Variants in PTPN12 observed in about 807,000 individuals in gnomAD.
PTPN12 encodes tyrosine-protein phosphatase non-receptor type 12.
In PTPN12, 29 loss-of-function variants were observed where a neutral mutation model predicts 97.6. The ratio of observed to expected loss-of-function variants is 0.30; its 90% CI spans 0.22 to 0.41. The LOEUF (loss-of-function observed/expected upper bound fraction) is 0.41, where lower values mean the gene tolerates loss of function less well. PTPN12 is among the 10% of genes least tolerant of loss of function. The pLI, the probability that PTPN12 is intolerant of heterozygous loss-of-function variation, is 1.00. For synonymous variants in PTPN12, 327 were observed against 300.4 expected, an observed-to-expected ratio of 1.09 and a Z score of -0.91; for missense variants, 819 against 926.0, an observed-to-expected ratio of 0.88 and a Z score of 1.50.
At chr7:77,572,060 GGTT>G in intron 2 of PTPN12, among the ~76,000 whole-genome samples, 1 of 149,138 alleles carries the variant, frequency 6.7e-6, no homozygotes, top group African/African-American at 2.5e-5. Context: ...CAGTCTTAAA[GGTT>G]GTTCTCTCTA....
At position 77,625,474 on chromosome 7, in the gene PTPN12, T is replaced by TTG. The variant is rs1554326606; in HGVS notation, c.1026-1231_1026-1230insTG. On this transcript the variant is annotated intron_variant, in intron 12 of 17. Transcript: ENST00000248594. ...TTGCCATATTGCCCAGGCTGCTCGC[T>TTG]CTCTCTCTCTCTCTCTCTCTCTCTC... 1.5e-3 allele frequency among the ~76,000 whole-genome samples: 45 copies of TTG among 29,156 alleles called. 1 individual carries two copies. The highest frequency in any genetic ancestry group is 6.9e-3 in the African/African-American group (43 of 6,258). The allele number at this position is 29,156 out of a possible 152,430, so 19.1% of individuals were successfully genotyped here.
At chr7:77,538,130 C>T in intron 1 of PTPN12, 1 of 986,858 alleles carries the variant, frequency 1.0e-6, no homozygotes, top group Non-Finnish European at 1.2e-6. Flanking sequence ...CCTGGGATCC[C>T]TTTGCTCTAG....
At chr7:77,633,533 C>G (rs1789478453) in intron 14 of PTPN12, among the ~76,000 whole-genome samples, 1 of 151,510 alleles carries the variant, frequency 6.6e-6, no homozygotes, top group Non-Finnish European at 1.5e-5. Context: ...CGCTTGAACC[C>G]CGGAGGCAGA....
intron 11 of PTPN12, among the ~76,000 whole-genome samples, chr7:77,616,268 C>T (rs1788747282): frequency 6.6e-6 from 1 of 151,970 alleles, no homozygotes; most frequent in African/African-American, 2.4e-5. Context: ...CAATTATATT[C>T]TTAATATTCT....
At chr7:77,625,472 G>GCTCTCTCGCTCTCTCTCTCT (rs1789112873) in intron 12 of PTPN12, among the ~76,000 whole-genome samples, 1 of 33,522 alleles carries the variant, frequency 3.0e-5, no homozygotes, top group Non-Finnish European at 5.0e-5. Flanking sequence ...CAGGCTGCTC[G>GCTCTCTCGCTCTCTCTCTCT]CTCTCTCTCT....
intron 2 of PTPN12, among the ~76,000 whole-genome samples, chr7:77,576,178 C>A (rs997476030): frequency 5.1e-4 from 78 of 152,050 alleles, no homozygotes; most frequent in South Asian, 2.1e-4. Context: ...TTTAAAGATT[C>A]ATTCACGATG....
chr7:77,594,843 T>TATA (rs1167920884), intron 6 of PTPN12, among the ~76,000 whole-genome samples: 1 of 152,224 alleles, frequency 6.6e-6, no homozygotes, highest in African/African-American at 2.4e-5. Flanking sequence ...TAGTGAATAT[T>TATA]ATAATTCAAG....
chr7:77,600,532 T>C lies in PTPN12; in HGVS notation c.553-132T>C. ...AACAGTCAATAAGTGTTGGCTATTA[T>C]TTATTTGGGTTTTTTTAAAAGCAGT... On this transcript the variant is annotated intron_variant, in intron 7 of 17. Coordinates refer to ENST00000248594, the MANE Select transcript of PTPN12 (RefSeq NM_002835.4). 4.5e-6 allele frequency: 3 copies of C among 674,004 alleles called. No individual in the cohort carries two copies. The South Asian group carries it at 6.5e-5, about 15-fold the overall frequency. The allele number at this position is 674,004 out of a possible 1,614,324, so 41.8% of individuals were successfully genotyped here. A position where few individuals can be genotyped will look rare whatever the true frequency, so the allele number is the denominator to read the frequency against.
At chr7:77,607,193 T>G in intron 8 of PTPN12, 42 bp from the exon 9 acceptor site, 1 of 1,436,740 alleles carries the variant, frequency 7.0e-7, no homozygotes, top group East Asian at 2.3e-5. Context: ...TATAGTTGTT[T>G]TATCACAAAA....
chr7:77,625,468 G>GCGCTCTCTCTCTCTCTCTCTCTCT (rs1218191468), intron 12 of PTPN12, among the ~76,000 whole-genome samples: 3 of 24,758 alleles, frequency 1.2e-4, no homozygotes, highest in Non-Finnish European at 1.9e-4. Context: ...TGCCCAGGCT[G>GCGCTCTCTCTCTCTCTCTCTCTCT]CTCGCTCTCT....
chr7:77,636,800 G>A (rs1260884836), intron 15 of PTPN12: 2 of 402,618 alleles, frequency 5.0e-6, no homozygotes, highest in African/African-American at 2.0e-5. Context: ...AGTAGCCCAT[G>A]CTTTTCAGTG....
intron 1 of PTPN12, among the ~76,000 whole-genome samples, chr7:77,540,539 T>C (rs1034970581): frequency 2.0e-5 from 3 of 152,030 alleles, no homozygotes; most frequent in Admixed American, 1.3e-4. Context: ...CCACCGAGAG[T>C]TCATTTCTCC....
intron 11 of PTPN12, 70 bp from the exon 12 acceptor site, chr7:77,618,410 T>C (rs1330675739): frequency 9.8e-7 from 1 of 1,023,776 alleles, no homozygotes; most frequent in African/African-American, 1.7e-5. Flanking sequence ...ACAGAAACAA[T>C]TTAGTTGAAA....
intron 1 of PTPN12, among the ~76,000 whole-genome samples, chr7:77,541,125 C>G (rs1584080884): frequency 6.6e-6 from 1 of 152,204 alleles, no homozygotes; most frequent in East Asian, 1.9e-4. Flanking sequence ...GGGTCTCACT[C>G]TGTCACCCAG....
intron 6 of PTPN12, among the ~76,000 whole-genome samples, chr7:77,592,819 C>G (rs953428669): frequency 1.3e-5 from 2 of 151,574 alleles, no homozygotes; most frequent in African/African-American, 4.9e-5. Context: ...CAGCAAAAAT[C>G]TGAGAAAATG....
chr7:77,611,970 A>G (rs1788583908), intron 11 of PTPN12, among the ~76,000 whole-genome samples: 1 of 150,570 alleles, frequency 6.6e-6, no homozygotes, highest in African/African-American at 2.4e-5. Flanking sequence ...CTTGTCCCTG[A>G]AGGTGCTGAG....
In PTPN12 at chr7:77,627,105, T is replaced by A; in HGVS notation, c.1426T>A (p.Ser476Thr). Residue 476 changes from serine to threonine, a missense_variant, in exon 13 of 18, where the codon TCT becomes ACT. By Grantham distance (58) the Ser-to-Thr change is moderately conservative. Transcript: ENST00000248594. ...TTCACCTTGTATAGCTGATAAAATC[T>A]CTAAGCCACAGGAATTAAGTTCAGA... is the stretch of plus-strand genomic sequence containing the variant. Reference protein sequence around the residue: ...SASPCIADKISKPQELSSDLN... With the variant: ...SASPCIADKITKPQELSSDLN... 1 of 1,614,166 alleles carries A rather than the reference T, an allele frequency of 6.2e-7. No homozygotes were observed. Among genetic ancestry groups the A allele is most frequent in the Non-Finnish European group, 8.5e-7 (1 of 1,180,008 alleles).
chr7:77,625,510 T>TCTCTCACTCTCA (rs1789126347), intron 12 of PTPN12, among the ~76,000 whole-genome samples: 1 of 100,326 alleles, frequency 1.0e-5, no homozygotes, highest in African/African-American at 4.4e-5. Flanking sequence ...TCTCTCTCTC[T>TCTCTCACTCTCA]CTCTCTCTCT....
chr7:77,622,754 G>A (rs1420185876), intron 12 of PTPN12, among the ~76,000 whole-genome samples: 1 of 150,032 alleles, frequency 6.7e-6, no homozygotes, highest in African/African-American at 2.4e-5. Flanking sequence ...CTGGGCAACA[G>A]AATGAGACTC....
Sources: allele counts gnomAD v4.1 joint callset (sites outside exome capture counted in the v4.1 genomes callset), GRCh38; gene constraint gnomAD v4.1.1; transcripts MANE v1.5; gene names NCBI Gene and HGNC (gene_info 2026-07-23, HGNC 2026-07-21).